CHRD: variants seen among roughly 807,000 people sequenced by gnomAD.
CHRD encodes the protein chordin.
Under a neutral mutation model 113.7 loss-of-function variants are expected in CHRD, and 69 were observed. The ratio of observed to expected loss-of-function variants is 0.61; its 90% CI spans 0.50 to 0.74. The LOEUF is 0.74. Among genes scored for constraint, CHRD ranks in the 30% least tolerant of loss-of-function variants. CHRD has a pLI of 0.00. For missense variants in CHRD, 1,194 were observed against 1,295.8 expected (o/e 0.92, Z 1.21); for synonymous variants, 561 against 540.8 (o/e 1.04, Z -0.52).
At position 184,388,999 on chromosome 3, in the gene CHRD, A is replaced by G. The variant is rs566931890; in HGVS notation, c.2812+4A>G. ...CGCTGCACGGCCCACCGGCGGCGTA[A>G]GTGAGGGAGTCCAGGGTCAGCAGCT... On this transcript the variant is annotated splice_donor_region_variant and intron_variant, in intron 22 of 22. Coordinates refer to ENST00000204604, the Ensembl canonical transcript of CHRD. This position sits in a 1 kb window ranked among gnomAD's most constrained non-coding sequence, Gnocchi z 6.1. 3 of 1,602,960 alleles carry G rather than the reference A, an allele frequency of 1.9e-6. No homozygotes were observed. Among genetic ancestry groups the G allele is most frequent in the Non-Finnish European group, 2.6e-6 (3 of 1,174,154 alleles).
chr3:184,383,964 A>T (rs1320716573), intron 12 of CHRD, among the ~76,000 whole-genome samples: 1 of 151,856 alleles, frequency 6.6e-6, no homozygotes, highest in Admixed American at 6.6e-5. Flanking sequence ...TTTAGTAGAG[A>T]CGGGGTTTCA....
chr3:184,381,843 G>A lies in CHRD; in HGVS notation c.611+28G>A, dbSNP rs1419753457. 1.2e-6 allele frequency: 2 copies of A among 1,611,634 alleles called. No individual in the cohort carries two copies. The highest frequency in any genetic ancestry group is 1.7e-6 in the Non-Finnish European group (2 of 1,178,892). ...GAGAAAGGGGAAGGAGCAAGGAGGG[G>A]TCAGCTGCCGGGGCCCGGGAGGGAA... On this transcript the variant is annotated intron_variant, in intron 5 of 22. Transcript: ENST00000204604. This position sits in a 1 kb window ranked among gnomAD's most constrained non-coding sequence, Gnocchi z 4.7.
At chr3:184,386,908 G>A in exon 17 of CHRD, 1 of 1,614,206 alleles carries the variant, frequency 6.2e-7, no homozygotes, top group Non-Finnish European at 8.5e-7. Context: ...CCCGGTGCAG[G>A]CTCCCGACCA....
chr3:184,383,893 C>T (rs1715870425), intron 12 of CHRD, among the ~76,000 whole-genome samples: 1 of 150,888 alleles, frequency 6.6e-6, no homozygotes, highest in Non-Finnish European at 1.5e-5. Flanking sequence ...TCTCCTGCCT[C>T]AGCCTCCCAA....
At chr3:184,386,994 T>C in intron 17 of CHRD, 56 bp downstream of exon 17, 1 of 1,613,364 alleles carries the variant, frequency 6.2e-7, no homozygotes, top group Non-Finnish European at 8.5e-7. Context: ...GACAGGTCCT[T>C]TGGGGAGGGA....
chr3:184,387,281 G>C lies in CHRD; in HGVS notation c.2348-93G>C. 1 of 1,454,706 alleles carries C rather than the reference G, an allele frequency of 6.9e-7. No individual in the cohort carries two copies. Among genetic ancestry groups the C allele is most frequent in the Non-Finnish European group, 9.4e-7 (1 of 1,066,372 alleles). The allele number at this position is 1,454,706 out of a possible 1,614,324, so 90.1% of individuals were successfully genotyped here. A position where few individuals can be genotyped will look rare whatever the true frequency, so the allele number is the denominator to read the frequency against. ...GGCCCCCAGGTGGGCCCTTGGCTTA[G>C]GCTCGTGTGGGGGTGGCCTGAGGCT... is the stretch of plus-strand genomic sequence containing the variant. On this transcript the variant is annotated intron_variant, in intron 18 of 22. Coordinates refer to ENST00000204604, the Ensembl canonical transcript of CHRD. This position sits in a 1 kb window ranked among gnomAD's most constrained non-coding sequence, Gnocchi z 6.1.
In CHRD at chr3:184,388,840, C is replaced by T; in HGVS notation, c.2710-53C>T. On this transcript the variant is annotated intron_variant, in intron 21 of 22. Coordinates refer to ENST00000204604, the Ensembl canonical transcript of CHRD. The surrounding 1 kb of genome is among the most constrained non-coding windows in gnomAD (Gnocchi z 6.1). Reference sequence around the variant, plus strand: ...AGGTCCCTGAAGAAGCTGAAGGTCACTGTGTCCCAGTGCCTCTGGGGGACA... The same window carrying T: ...AGGTCCCTGAAGAAGCTGAAGGTCATTGTGTCCCAGTGCCTCTGGGGGACA... The T allele has an allele frequency of 6.2e-7, 1 of 1,604,904 alleles. No individual in the cohort carries two copies. The highest frequency in any genetic ancestry group is 1.7e-5 in the Admixed American group (1 of 59,912).
rs1192247138 is a variant in CHRD, at chr3:184,387,236, C to T, written c.2347+129C>T. On this transcript the variant is annotated intron_variant, in intron 18 of 22. Coordinates refer to ENST00000204604, the Ensembl canonical transcript of CHRD. This position sits in a 1 kb window ranked among gnomAD's most constrained non-coding sequence, Gnocchi z 6.1. Reference sequence around the variant, plus strand: ...GGCACAGATTCCAAGTGATGCCTGACAGGACTCATTAGTGTTACTGGCCCC... The same window carrying T: ...GGCACAGATTCCAAGTGATGCCTGATAGGACTCATTAGTGTTACTGGCCCC... 2 of 1,264,570 alleles carry T rather than the reference C, an allele frequency of 1.6e-6. No individual in the cohort carries two copies. The highest frequency in any genetic ancestry group is 3.0e-5 in the African/African-American group (2 of 67,562). The allele number at this position is 1,264,570 out of a possible 1,614,324, so 78.3% of individuals were successfully genotyped here.
intron 22 of CHRD, 93 bp downstream of exon 22, chr3:184,389,088 A>C: frequency 1.1e-6 from 1 of 895,138 alleles, no homozygotes; most frequent in Non-Finnish European, 1.8e-6. Flanking sequence ...CACTGTGTGC[A>C]GGAACAGTGC....
chr3:184,381,576 C>G lies in CHRD; in HGVS notation c.463C>G (p.Arg155Gly), dbSNP rs192063183. Residue 155 changes from arginine to glycine, a missense_variant, in exon 4 of 23, where the codon CGC (arginine) becomes GGC (glycine). Transcript: ENST00000204604. The surrounding 1 kb of genome is among the most constrained non-coding windows in gnomAD (Gnocchi z 4.7). ...CCCGGAGCATCGCAGTTATAGCGAC[C>G]GCGGGGAGCCAGGCGCTGAGGAGCG... 1.6e-4 allele frequency: 263 copies of G among 1,608,354 alleles called. No individual in the cohort carries two copies. The African/African-American group carries it at 3.1e-3, about 19-fold the overall frequency.
rs912334566 is a variant in CHRD, at chr3:184,388,905, C to T, written c.2722C>T (p.His908Tyr). The T allele has an allele frequency of 1.2e-6, 2 of 1,613,252 alleles. No homozygotes were observed. Among genetic ancestry groups the T allele is most frequent in the Middle Eastern group, 1.6e-4 (1 of 6,062 alleles). The change falls in exon 22 of 23, where the codon CAC becomes TAC. Residue 908 changes from histidine (H) to tyrosine (Y), a missense_variant. His to Tyr is a moderately conservative substitution (Grantham distance 83). Transcript: ENST00000204604. The surrounding 1 kb of genome is among the most constrained non-coding windows in gnomAD (Gnocchi z 6.1). ...TGTCTTGTACCAGGCAGGGGTGCCT[C>T]ACTGTGAGCGGGATGACTGTTCACT...
At position 184,384,966 on chromosome 3, in the gene CHRD, G is replaced by T. The variant is rs1415056694; in HGVS notation, c.1598-52G>T. On this transcript the variant is annotated intron_variant, in intron 13 of 22. Coordinates refer to ENST00000204604, the Ensembl canonical transcript of CHRD. The surrounding 1 kb of genome is among the most constrained non-coding windows in gnomAD (Gnocchi z 4.4). Reference sequence around the variant, plus strand: ...GGAGCTGGGAATGCTGGGTTTGAGGGCTTGCCCTAGGCCACCTTCTCACCT... The same window carrying T: ...GGAGCTGGGAATGCTGGGTTTGAGGTCTTGCCCTAGGCCACCTTCTCACCT... The T allele has an allele frequency of 6.4e-7, 1 of 1,569,542 alleles. No homozygotes were observed. The highest frequency in any genetic ancestry group is 2.2e-5 in the East Asian group (1 of 44,482).
Position 184,380,506 on chromosome 3 carries a change from G to C in CHRD, c.148+40G>C. 1.8e-6 allele frequency: 2 copies of C among 1,142,322 alleles called. No homozygotes were observed. The highest frequency in any genetic ancestry group is 2.2e-6 in the Non-Finnish European group (2 of 926,664). The allele number at this position is 1,142,322 out of a possible 1,614,324, so 70.8% of individuals were successfully genotyped here. A position where few individuals can be genotyped will look rare whatever the true frequency, so the allele number is the denominator to read the frequency against. ...GGGGGAGGCGCGGGCGGGGAGTCGG[G>C]CTCGGGGCGAGTCAGCGCCAGCCCG... On this transcript the variant is annotated intron_variant, in intron 1 of 22. Coordinates refer to ENST00000204604, the Ensembl canonical transcript of CHRD. This position sits in a 1 kb window ranked among gnomAD's most constrained non-coding sequence, Gnocchi z 6.3.
intron 22 of CHRD, 78 bp downstream of exon 22, chr3:184,389,073 G>A: frequency 9.6e-7 from 1 of 1,036,646 alleles, no homozygotes; most frequent in Non-Finnish European, 1.5e-6. Context: ...AGGGAAGGGA[G>A]CACTCACTGT....
At position 184,380,678 on chromosome 3, in the gene CHRD, G is replaced by A. The variant is rs1348962490; in HGVS notation, c.149-14G>A. 7 of 1,570,422 alleles carry A rather than the reference G, an allele frequency of 4.5e-6. No homozygotes were observed. The highest frequency in any genetic ancestry group is 3.6e-5 in the Admixed American group (2 of 55,826). ...GAGCTGGGCAGCGGCCTCCAGCCAA[G>A]CCCGTCCCCGCAGGCTGCACCTTCG... On this transcript the variant is annotated splice_polypyrimidine_tract_variant and intron_variant, in intron 1 of 22. Transcript: ENST00000204604. The surrounding 1 kb of genome is among the most constrained non-coding windows in gnomAD (Gnocchi z 6.3).
In CHRD at chr3:184,381,755, TG is replaced by T; in HGVS notation, c.553del (p.Ala185HisfsTer75). On this transcript the variant is annotated frameshift_variant, in exon 5 of 23. Coordinates refer to ENST00000204604, the Ensembl canonical transcript of CHRD. LOFTEE classifies it high-confidence loss of function. The surrounding 1 kb of genome is among the most constrained non-coding windows in gnomAD (Gnocchi z 4.7). ...CTGACAGGGCCGAGGTCGCAGGCGG[TG>T]GCACGAGCCCGAGTCTCGCTGCTGC... 6.2e-7 allele frequency: 1 copy of T among 1,613,042 alleles called. No individual in the cohort carries two copies.
chr3:184,386,003 C>T, intron 14 of CHRD, 43 bp from the exon 15 acceptor site: 1 of 1,597,990 alleles, frequency 6.3e-7, no homozygotes. Flanking sequence ...TAGGCTCAGC[C>T]CTAAAGTGCC....
In CHRD at chr3:184,381,987, T is replaced by A. The variant is rs1403251912; in HGVS notation, c.666T>A (p.Phe222Leu). Residue 222 changes from phenylalanine (F) to leucine (L), a missense_variant, in exon 6 of 23, where the codon TTT becomes TTA. Physicochemically the swap from Phe to Leu is conservative, Grantham distance 22. Coordinates refer to ENST00000204604, the Ensembl canonical transcript of CHRD. This position sits in a 1 kb window ranked among gnomAD's most constrained non-coding sequence, Gnocchi z 4.7. ...CAGACTCCAATGGCAGTGTCCTGTTTGAGCACCCTGCAGCCCCCACCCAAG... is the reference window on the plus strand; with the variant it reads ...CAGACTCCAATGGCAGTGTCCTGTTAGAGCACCCTGCAGCCCCCACCCAAG... The A allele has an allele frequency of 1.9e-6, 3 of 1,614,012 alleles. No individual in the cohort carries two copies. In the Admixed American group the frequency reaches 5.0e-5, roughly 27 times the overall value.
In CHRD at chr3:184,384,515, G is replaced by A. The variant is rs769063445; in HGVS notation, c.1441-22G>A. The A allele has an allele frequency of 2.7e-6, 4 of 1,485,060 alleles. No homozygotes were observed. In the East Asian group the frequency reaches 7.1e-5, roughly 26 times the overall value. The allele number at this position is 1,485,060 out of a possible 1,614,324, so 92.0% of individuals were successfully genotyped here. A position where few individuals can be genotyped will look rare whatever the true frequency, so the allele number is the denominator to read the frequency against. On this transcript the variant is annotated intron_variant, in intron 12 of 22. Transcript: ENST00000204604. This position sits in a 1 kb window ranked among gnomAD's most constrained non-coding sequence, Gnocchi z 4.4. ...TTGGACTCGTGTGAGAGCTGAGAAG[G>A]CCTATCCTCCCCTGCCCCCAGGCCG...
Sources: allele counts gnomAD v4.1 joint callset (sites outside exome capture counted in the v4.1 genomes callset), GRCh38; gene constraint gnomAD v4.1.1; non-coding constraint Gnocchi (gnomAD v3.1); transcripts MANE v1.5; gene names NCBI Gene and HGNC (gene_info 2026-07-23, HGNC 2026-07-21).